The following PTPRD variants were observed in gnomAD, a reference collection of about 807,000 sequenced individuals.
PTPRD encodes the protein receptor-type tyrosine-protein phosphatase delta.
Under a neutral mutation model 214.5 loss-of-function variants are expected in PTPRD, and 34 were observed. The observed-to-expected ratio is 0.16, with a 90% CI of 0.12 to 0.21. PTPRD has a LOEUF of 0.21. Ranked by LOEUF, PTPRD falls within the 10% of genes least tolerant of loss-of-function variation. The probability of loss-of-function intolerance (pLI) is 1.00; values close to 1 mark genes in which losing one functional copy is unlikely to be tolerated. For synonymous variants in PTPRD, 1,128 were observed against 845.7 expected (o/e 1.33, Z -5.79); for missense variants, 2,545 against 2,398.7 (o/e 1.06, Z -1.27).
At chr9:10,297,000 C>G (rs2095694555) in intron 3 of PTPRD, among the ~76,000 whole-genome samples, 1 of 151,292 alleles carries the variant, frequency 6.6e-6, no homozygotes, top group Non-Finnish European at 1.5e-5. Context: ...TCAAACAGTG[C>G]TACTCATACT....
intron 9 of PTPRD, among the ~76,000 whole-genome samples, chr9:9,291,849 T>C (rs1194328397): frequency 6.6e-6 from 1 of 150,486 alleles, no homozygotes. Flanking sequence ...TATATGTGTA[T>C]ATGTGTGTGT....
At chr9:9,603,443 T>C (rs1446163366) in intron 7 of PTPRD, among the ~76,000 whole-genome samples, 1 of 152,140 alleles carries the variant, frequency 6.6e-6, no homozygotes, top group Non-Finnish European at 1.5e-5. Context: ...CATATTAGGC[T>C]ATAAACCAGA....
chr9:8,771,354 A>G (rs751468649), intron 11 of PTPRD, among the ~76,000 whole-genome samples: 1 of 152,228 alleles, frequency 6.6e-6, no homozygotes, highest in Non-Finnish European at 1.5e-5. Context: ...ACTAAAGACT[A>G]TCACTGTACT....
At chr9:9,649,159 A>G (rs1456143569) in intron 7 of PTPRD, among the ~76,000 whole-genome samples, 2 of 152,136 alleles carry the variant, frequency 1.3e-5, no homozygotes, top group African/African-American at 2.4e-5. Flanking sequence ...ATGTAGCCAT[A>G]TATCAGTAAT....
intron 7 of PTPRD, among the ~76,000 whole-genome samples, chr9:9,697,158 A>G (rs1209327305): frequency 1.3e-5 from 2 of 151,972 alleles, no homozygotes; most frequent in Non-Finnish European, 2.9e-5. Flanking sequence ...TGTTGTAGCT[A>G]TTTTTTTGAT....
At chr9:9,778,528 G>A (rs2098817308) in intron 5 of PTPRD, among the ~76,000 whole-genome samples, 2 of 152,282 alleles carry the variant, frequency 1.3e-5, no homozygotes, top group Non-Finnish European at 2.9e-5. Flanking sequence ...AGTCAGGAGA[G>A]GGCAAGACTG....
rs780409971 is a variant in PTPRD, at chr9:9,745,032, G to A, written c.-325-10461C>T. On this transcript the variant is annotated intron_variant, in intron 6 of 45. Coordinates refer to ENST00000381196, the MANE Select transcript of PTPRD (RefSeq NM_002839.4). Reference sequence around the variant, plus strand: ...CCATGTAGAGCAAATAAGTGATTTCGATTGAAACATTTTTAATGTCTTCAA... The same window carrying A: ...CCATGTAGAGCAAATAAGTGATTTCAATTGAAACATTTTTAATGTCTTCAA... Among the ~76,000 whole-genome samples, 11 of 151,846 alleles carry A rather than the reference G, an allele frequency of 7.2e-5. No homozygotes were observed. The East Asian group carries it at 9.7e-4, about 13-fold the overall frequency.
chr9:10,460,841 T>C (rs78711712), intron 2 of PTPRD, among the ~76,000 whole-genome samples: 3 of 152,282 alleles, frequency 2.0e-5, no homozygotes, highest in Admixed American at 6.5e-5. Context: ...CAATGATTTA[T>C]TGGGTATCAC....
chr9:10,141,794 G>T (rs2098987302), intron 3 of PTPRD, among the ~76,000 whole-genome samples: 1 of 152,092 alleles, frequency 6.6e-6, no homozygotes, highest in Admixed American at 6.6e-5. Context: ...GCATTGCCAA[G>T]TCAATCCTAA....
At chr9:10,054,910 T>G (rs1369192304) in intron 3 of PTPRD, among the ~76,000 whole-genome samples, 3 of 151,984 alleles carry the variant, frequency 2.0e-5, no homozygotes, top group African/African-American at 4.8e-5. Context: ...GGGGGTGGGG[T>G]CTTTAGGAGA....
At chr9:10,166,213 G>T (rs2099158045) in intron 3 of PTPRD, among the ~76,000 whole-genome samples, 1 of 134,390 alleles carries the variant, frequency 7.4e-6, no homozygotes, top group Non-Finnish European at 1.6e-5. Context: ...GATTGTTAGA[G>T]ATACCTAGTA....
At chr9:9,216,362 G>C (rs1020337620) in intron 9 of PTPRD, among the ~76,000 whole-genome samples, 14 of 152,106 alleles carry the variant, frequency 9.2e-5, no homozygotes, top group African/African-American at 3.4e-4. Context: ...CTATGATATG[G>C]AGCTAATTAT....
chr9:10,113,715 AT>A (rs2098709271), intron 3 of PTPRD, among the ~76,000 whole-genome samples: 1 of 152,200 alleles, frequency 6.6e-6, no homozygotes, highest in Non-Finnish European at 1.5e-5. Flanking sequence ...TTATAAAAAA[AT>A]CTTTAAGACA....
chr9:9,282,317 G>A (rs986399707), intron 9 of PTPRD, among the ~76,000 whole-genome samples: 6 of 151,162 alleles, frequency 4.0e-5, no homozygotes, highest in African/African-American at 1.2e-4. Flanking sequence ...GGATATGTAG[G>A]TGTGCATGCA....
chr9:9,515,680 T>C (rs182305592), intron 8 of PTPRD, among the ~76,000 whole-genome samples: 1 of 151,990 alleles, frequency 6.6e-6, no homozygotes, highest in Non-Finnish European at 1.5e-5. Flanking sequence ...ATATATTAAA[T>C]AAAATTATAT....
chr9:8,973,912 T>A (rs2099253566), intron 11 of PTPRD, among the ~76,000 whole-genome samples: 1 of 151,918 alleles, frequency 6.6e-6, no homozygotes, highest in South Asian at 2.1e-4. Flanking sequence ...AATAGGGTTG[T>A]TTTTTGCTTG....
chr9:10,440,270 T>C (rs2098750124), intron 2 of PTPRD, among the ~76,000 whole-genome samples: 1 of 151,774 alleles, frequency 6.6e-6, no homozygotes, highest in Admixed American at 6.6e-5. Flanking sequence ...AACAACATTT[T>C]CTAAGATTGC....
intron 44 of PTPRD, among the ~76,000 whole-genome samples, chr9:8,324,872 T>A (rs1045829743): frequency 1.3e-5 from 2 of 152,236 alleles, no homozygotes; most frequent in South Asian, 2.1e-4. Context: ...CATTTTTTCA[T>A]ATGTTTGTCT....
intron 7 of PTPRD, among the ~76,000 whole-genome samples, chr9:9,648,486 G>T (rs752569614): frequency 2.6e-5 from 4 of 152,194 alleles, no homozygotes; most frequent in Non-Finnish European, 5.9e-5. Flanking sequence ...TGATGTTTCT[G>T]ACCTGATGGT....
Sources: allele counts gnomAD v4.1 joint callset (sites outside exome capture counted in the v4.1 genomes callset), GRCh38; gene constraint gnomAD v4.1.1; transcripts MANE v1.5; gene names NCBI Gene and HGNC (gene_info 2026-07-23, HGNC 2026-07-21).